Variants in NBEAL1 observed in about 807,000 individuals in gnomAD.
The protein encoded by NBEAL1 is neurobeachin like 1.
NBEAL1 carries 273 observed loss-of-function variants against 351.3 expected under a neutral mutation model. The ratio of observed to expected loss-of-function variants is 0.78; its 90% CI spans 0.70 to 0.86. NBEAL1 has a LOEUF of 0.86. Among genes scored for constraint, NBEAL1 ranks in the 40% least tolerant of loss-of-function variants. The probability of loss-of-function intolerance (pLI) is 0.00; values close to 1 mark genes in which losing one functional copy is unlikely to be tolerated. For synonymous variants in NBEAL1, 1,050 were observed against 1,086.4 expected, an observed-to-expected ratio of 0.97 and a Z score of 0.66; for missense variants, 2,961 against 3,201.3, an observed-to-expected ratio of 0.92 and a Z score of 1.81.
intron 2 of NBEAL1, among the ~76,000 whole-genome samples, chr2:203,018,545 G>A (rs1008754026): frequency 6.6e-6 from 1 of 151,860 alleles, no homozygotes; most frequent in African/African-American, 2.4e-5. Flanking sequence ...TCAGGTTTTT[G>A]TTTGTTTTTA....
chr2:203,054,158 G>A (rs774912076), intron 4 of NBEAL1, among the ~76,000 whole-genome samples: 1 of 152,170 alleles, frequency 6.6e-6, no homozygotes, highest in Non-Finnish European at 1.5e-5. Flanking sequence ...GAGTGCAGTG[G>A]CTCACGCCTG....
rs528673928 is a variant in NBEAL1 at position 203,184,339 on chromosome 2, G to A, written c.6705+951G>A. Among the ~76,000 whole-genome samples, 11 of 152,286 alleles carry A rather than the reference G, an allele frequency of 7.2e-5. No homozygotes were observed. The East Asian group carries it at 1.7e-3, about 24-fold the overall frequency. On this transcript the variant is annotated intron_variant, in intron 44 of 55. Transcript: ENST00000683969. ...CCAGCTACTCAGGAGGCTGAGGTAA[G>A]ATAATCTCTTGAACCCAGGAGGCGG... is the stretch of plus-strand genomic sequence containing the variant.
rs2065946512 is a variant in NBEAL1, at chr2:203,220,814, T to G, written c.*3460T>G. ...ATAAAAATGAAGTTTGGCAAGTTGG[T>G]TTAGTCTTTCTTTTTAGCCTGTGAA... On this transcript the variant is annotated 3_prime_UTR_variant, in exon 56 of 56. Transcript: ENST00000683969. Among the ~76,000 whole-genome samples, 1 of 152,152 alleles carries G rather than the reference T, an allele frequency of 6.6e-6. No homozygotes were observed. Among genetic ancestry groups the G allele is most frequent in the Non-Finnish European group, 1.5e-5 (1 of 68,012 alleles).
At chr2:203,136,837 T>A in intron 29 of NBEAL1, 63 bp downstream of exon 29, 1 of 1,348,892 alleles carries the variant, frequency 7.4e-7, no homozygotes, top group Non-Finnish European at 1.0e-6. Flanking sequence ...TAAAATAACG[T>A]TAGTTATTGA....
chr2:203,175,342 G>C, intron 42 of NBEAL1, 55 bp downstream of exon 42: 3 of 1,571,302 alleles, frequency 1.9e-6, no homozygotes, highest in Non-Finnish European at 2.6e-6. Flanking sequence ...GTTGAAAACT[G>C]TTTGCCTTCA....
At chr2:203,026,697 T>G (rs1313172288) in intron 2 of NBEAL1, among the ~76,000 whole-genome samples, 1 of 152,148 alleles carries the variant, frequency 6.6e-6, no homozygotes, top group Admixed American at 6.6e-5. Flanking sequence ...GTATTTTTAG[T>G]AGAGACAGTG....
At chr2:203,052,255 AT>A (rs5837836) in intron 4 of NBEAL1, 63,265 of 146,326 alleles carry the variant, frequency 0.43, 15,560 homozygotes, top group Middle Eastern at 0.66. Flanking sequence ...TCAACCACTG[AT>A]TTTTTTTTTT....
At chr2:203,122,164 C>T (rs1333716152) in intron 18 of NBEAL1, 90 bp from the exon 19 acceptor site, 5 of 682,196 alleles carry the variant, frequency 7.3e-6, no homozygotes, top group South Asian at 4.3e-5. Context: ...TCCTATATTC[C>T]TTTTTGTATT....
chr2:203,059,332 A>G (rs1031223662), intron 6 of NBEAL1, among the ~76,000 whole-genome samples: 2 of 152,228 alleles, frequency 1.3e-5, no homozygotes, highest in Admixed American at 6.5e-5. Context: ...AGTAACAAAC[A>G]AGGGGCTTAG....
intron 51 of NBEAL1, among the ~76,000 whole-genome samples, chr2:203,203,579 G>GA (rs1284896082): frequency 2.6e-5 from 4 of 152,120 alleles, no homozygotes; most frequent in African/African-American, 9.7e-5. Flanking sequence ...CTGAGCGTGG[G>GA]ACATGCTTGT....
At chr2:203,020,928 T>G (rs372676112) in intron 2 of NBEAL1, among the ~76,000 whole-genome samples, 2 of 152,154 alleles carry the variant, frequency 1.3e-5, no homozygotes, top group Non-Finnish European at 2.9e-5. Context: ...GTTTTTTGTT[T>G]GTTTGTTTTG....
At chr2:203,112,802 C>T (rs1413268471) in intron 16 of NBEAL1, among the ~76,000 whole-genome samples, 3 of 152,074 alleles carry the variant, frequency 2.0e-5, no homozygotes, top group South Asian at 4.1e-4. Flanking sequence ...AGTAATGCAT[C>T]CAAATGCTAT....
At chr2:203,100,162 A>C (rs1377348378) in intron 12 of NBEAL1, among the ~76,000 whole-genome samples, 3 of 152,134 alleles carry the variant, frequency 2.0e-5, no homozygotes, top group African/African-American at 7.2e-5. Context: ...AATTGGCTTT[A>C]GGTTGATTCC....
At chr2:203,202,567 A>G (rs2065430288) in intron 50 of NBEAL1, 120 bp from the exon 51 acceptor site, 2 of 669,256 alleles carry the variant, frequency 3.0e-6, no homozygotes, top group South Asian at 1.6e-5. Flanking sequence ...TACCATGTCT[A>G]CATTCCTCCC....
chr2:203,138,095 TG>T, intron 29 of NBEAL1, 66 bp from the exon 30 acceptor site: 1 of 1,492,888 alleles, frequency 6.7e-7, no homozygotes, highest in Non-Finnish European at 9.2e-7. Context: ...TATTTTGTTT[TG>T]TTTTTAATGT....
At chr2:203,060,081 A>G (rs968364794) in intron 6 of NBEAL1, among the ~76,000 whole-genome samples, 2 of 152,226 alleles carry the variant, frequency 1.3e-5, no homozygotes, top group African/African-American at 2.4e-5. Context: ...TTTTGAAACA[A>G]TGACATAATT....
intron 39 of NBEAL1, among the ~76,000 whole-genome samples, chr2:203,170,956 G>A (rs1440678194): frequency 6.6e-6 from 1 of 152,178 alleles, no homozygotes; most frequent in Non-Finnish European, 1.5e-5. Context: ...AAATTTCTAA[G>A]TGGAATAGTC....
chr2:203,081,318 T>C (rs2061867797), intron 8 of NBEAL1, among the ~76,000 whole-genome samples: 1 of 152,226 alleles, frequency 6.6e-6, no homozygotes, highest in Admixed American at 6.5e-5. Context: ...AAAGATTTTG[T>C]AGCCAGACTG....
intron 8 of NBEAL1, among the ~76,000 whole-genome samples, chr2:203,081,799 T>C (rs2061878450): frequency 6.6e-6 from 1 of 152,166 alleles, no homozygotes; most frequent in Admixed American, 6.5e-5. Flanking sequence ...ATGTGTCAAG[T>C]ATCTTTTAAA....
Sources: gnomAD v4.1 joint callset for allele counts (sites outside exome capture counted in the v4.1 genomes callset) on GRCh38, gnomAD v4.1.1 for gene constraint, MANE v1.5 for transcripts, NCBI Gene and HGNC (gene_info 2026-07-23, HGNC 2026-07-21) for gene names.